The following FUT9 variants were observed in gnomAD, a reference collection of about 807,000 sequenced individuals.
FUT9 encodes fucosyltransferase 9, also known as 4-galactosyl-N-acetylglucosaminide 3-alpha-L-fucosyltransferase 9.
A neutral mutation model predicts 29.7 loss-of-function variants in FUT9; 15 were observed. The ratio of observed to expected loss-of-function variants is 0.51; its 90% CI spans 0.34 to 0.78. The LOEUF (loss-of-function observed/expected upper bound fraction) is 0.78. Ranked by LOEUF, FUT9 falls within the 30% of genes least tolerant of loss-of-function variation. FUT9 has a pLI of 0.01. For synonymous variants in FUT9, 169 were observed against 153.7 expected (o/e 1.10, Z -0.74); for missense variants, 319 against 425.4 (o/e 0.75, Z 2.20).
intron 2 of FUT9, among the ~76,000 whole-genome samples, chr6:96,167,331 A>G (rs1773032836): frequency 6.6e-6 from 1 of 152,220 alleles, no homozygotes; most frequent in Admixed American, 6.5e-5. Flanking sequence ...ATATGTGTAG[A>G]AATCAATAAA....
chr6:96,205,596 T>A lies in FUT9; in HGVS notation c.*1361T>A, dbSNP rs1562165264. The A allele has an allele frequency of 6.0e-6, 1 of 166,886 alleles. No homozygotes were observed. The highest frequency in any genetic ancestry group is 2.4e-5 in the African/African-American group (1 of 41,398). 10.3% of individuals were successfully genotyped at this position (166,886 alleles called of 1,614,324 possible). ...CAGCTGCCTATAGCATTCTCCTCCA[T>A]AAGGCTAGAGGAGAGCTGGATATAA... On this transcript the variant is annotated 3_prime_UTR_variant, in exon 3 of 3. Transcript: ENST00000302103.
intron 1 of FUT9, among the ~76,000 whole-genome samples, chr6:96,069,613 T>A (rs1001079350): frequency 4.5e-4 from 45 of 99,730 alleles, no homozygotes; most frequent in African/African-American, 1.4e-3. Context: ...AAACTATTAT[T>A]TTTTTATTTT....
chr6:96,053,354 A>G (rs1045494966), intron 1 of FUT9, among the ~76,000 whole-genome samples: 13 of 152,032 alleles, frequency 8.6e-5, no homozygotes, highest in African/African-American at 2.9e-4. Context: ...AAGTCTTTCT[A>G]TTTTCAATGA....
At chr6:96,019,195 A>G (rs1770028837) in intron 1 of FUT9, among the ~76,000 whole-genome samples, 1 of 152,010 alleles carries the variant, frequency 6.6e-6, no homozygotes, top group South Asian at 2.1e-4. Context: ...TACCTTAAAA[A>G]AAGCACACAT....
chr6:96,057,668 A>G (rs2127941929), intron 1 of FUT9, among the ~76,000 whole-genome samples: 1 of 152,264 alleles, frequency 6.6e-6, no homozygotes, highest in Admixed American at 6.5e-5. Context: ...CTGTGCCACA[A>G]TTTTTGCTAC....
chr6:96,127,035 T>C (rs1772145919), intron 2 of FUT9, among the ~76,000 whole-genome samples: 1 of 152,228 alleles, frequency 6.6e-6, no homozygotes, highest in African/African-American at 2.4e-5. Context: ...ACTACTGTTT[T>C]TTTAAACATT....
chr6:96,163,916 G>T (rs1349322896), intron 2 of FUT9, among the ~76,000 whole-genome samples: 2 of 152,130 alleles, frequency 1.3e-5, no homozygotes, highest in South Asian at 2.1e-4. Context: ...GACAAATCTC[G>T]ATCAATTTAG....
At chr6:96,031,170 T>C (rs1048163906) in intron 1 of FUT9, among the ~76,000 whole-genome samples, 1 of 151,614 alleles carries the variant, frequency 6.6e-6, no homozygotes, top group Admixed American at 6.6e-5. Context: ...AGGCACTTTC[T>C]AACAGTGCCT....
chr6:96,143,996 G>C (rs1462865052), intron 2 of FUT9, among the ~76,000 whole-genome samples: 1 of 152,166 alleles, frequency 6.6e-6, no homozygotes, highest in African/African-American at 2.4e-5. Context: ...AGTCTTCCCA[G>C]ATAAAATAGT....
chr6:96,031,599 A>G (rs1358266444), intron 1 of FUT9, among the ~76,000 whole-genome samples: 4 of 151,486 alleles, frequency 2.6e-5, no homozygotes, highest in Non-Finnish European at 4.4e-5. Context: ...CAAATAGTGT[A>G]TCCTTCAATA....
rs1017122651 is a variant in FUT9 at position 96,214,755 on chromosome 6, A to G, written c.*10520A>G. On this transcript the variant is annotated 3_prime_UTR_variant, in exon 3 of 3. Coordinates refer to ENST00000302103, the MANE Select transcript of FUT9 (RefSeq NM_006581.4). Reference sequence around the variant, plus strand: ...CTTAGTGACTTAAAACATGACAGTAAGCATTTACACTGTTGGAAGGTAATT... The same window carrying G: ...CTTAGTGACTTAAAACATGACAGTAGGCATTTACACTGTTGGAAGGTAATT... The G allele has an allele frequency of 6.0e-6, 1 of 167,000 alleles. No individual in the cohort carries two copies. The highest frequency in any genetic ancestry group is 1.5e-5 in the Non-Finnish European group (1 of 68,056). 10.3% of individuals were successfully genotyped at this position (167,000 alleles called of 1,614,324 possible).
intron 1 of FUT9, among the ~76,000 whole-genome samples, chr6:96,044,451 C>A (rs1017125154): frequency 6.6e-6 from 1 of 152,166 alleles, no homozygotes; most frequent in Non-Finnish European, 1.5e-5. Context: ...GCCTGATAAA[C>A]TAAAGTAAAC....
intron 1 of FUT9, among the ~76,000 whole-genome samples, chr6:96,020,337 T>G (rs1177919894): frequency 6.6e-6 from 1 of 152,156 alleles, no homozygotes; most frequent in Non-Finnish European, 1.5e-5. Context: ...GTAAGCAAAA[T>G]GCACTTACAG....
intron 1 of FUT9, among the ~76,000 whole-genome samples, chr6:96,032,780 A>G (rs1373784902): frequency 6.6e-6 from 1 of 151,582 alleles, no homozygotes; most frequent in East Asian, 1.9e-4. Flanking sequence ...GTGGTCTCAC[A>G]GTGTTTCAGG....
intron 1 of FUT9, among the ~76,000 whole-genome samples, chr6:96,069,778 G>A (rs1771027131): frequency 1.3e-5 from 2 of 151,754 alleles, no homozygotes; most frequent in African/African-American, 2.4e-5. Context: ...CTACAGGCGC[G>A]CGCCACCATG....
chr6:96,083,435 T>C (rs1359945644), intron 1 of FUT9, among the ~76,000 whole-genome samples: 1 of 152,060 alleles, frequency 6.6e-6, no homozygotes, highest in African/African-American at 2.4e-5. Context: ...TCTATTCTGT[T>C]CTCTGGATGC....
Position 96,194,916 on chromosome 6 carries a change from G to C in FUT9, c.-8-8232G>C, listed in dbSNP as rs139656055. On this transcript the variant is annotated intron_variant, in intron 2 of 2. Coordinates refer to ENST00000302103, the MANE Select transcript of FUT9 (RefSeq NM_006581.4). ...ATGAGCCAGGTTACATTTGGGCTCA[G>C]TGTCAGATCTCATGGCTCTAGCCAC... is the stretch of plus-strand genomic sequence containing the variant. Among the ~76,000 whole-genome samples the C allele has an allele frequency of 3.1e-3, 467 of 152,268 alleles. 1 individual carries two copies. Among genetic ancestry groups the C allele is most frequent in the African/African-American group, 9.9e-3 (413 of 41,558 alleles).
At chr6:96,119,576 A>G (rs1303830688) in intron 2 of FUT9, among the ~76,000 whole-genome samples, 3 of 152,208 alleles carry the variant, frequency 2.0e-5, no homozygotes, top group Admixed American at 2.0e-4. Flanking sequence ...GTATTTTCTT[A>G]AATAACAATG....
intron 1 of FUT9, chr6:96,020,760 A>AC (rs1349165123): frequency 2.0e-5 from 3 of 152,126 alleles, no homozygotes; most frequent in Non-Finnish European, 2.9e-5. Context: ...AACTAGGGGA[A>AC]CCAGTGATCT....
Sources: gnomAD v4.1 joint callset for allele counts (sites outside exome capture counted in the v4.1 genomes callset) on GRCh38, gnomAD v4.1.1 for gene constraint, MANE v1.5 for transcripts, NCBI Gene and HGNC (gene_info 2026-07-23, HGNC 2026-07-21) for gene names.